Variants in QKI observed in about 807,000 individuals in gnomAD.
QKI encodes KH domain-containing RNA-binding protein QKI.
Under a neutral mutation model 39.0 loss-of-function variants are expected in QKI, and 10 were observed. That is an observed-to-expected ratio of 0.26 (90% CI 0.16 to 0.43). QKI has a LOEUF of 0.43. QKI is among the 20% of genes least tolerant of loss of function. QKI has a pLI of 1.00. For missense variants in QKI, 218 were observed against 428.0 expected (o/e 0.51, Z 4.33); for synonymous variants, 204 against 155.4 (o/e 1.31, Z -2.33).
chr6:163,560,180 GC>G (rs1193252211), intron 4 of QKI, among the ~76,000 whole-genome samples: 2 of 152,092 alleles, frequency 1.3e-5, no homozygotes, highest in South Asian at 2.1e-4. Flanking sequence ...AAAGAAATAA[GC>G]CCTATTCTCA....
At chr6:163,453,733 A>G (rs552877270) in intron 1 of QKI, among the ~76,000 whole-genome samples, 1 of 152,130 alleles carries the variant, frequency 6.6e-6, no homozygotes, top group African/African-American at 2.4e-5. Flanking sequence ...TAATCTCTAG[A>G]TTTTTGTTGA....
intron 2 of QKI, among the ~76,000 whole-genome samples, chr6:163,472,861 G>T (rs1368104857): frequency 2.0e-5 from 3 of 152,062 alleles, no homozygotes; most frequent in African/African-American, 7.2e-5. Flanking sequence ...AGAGGTATAT[G>T]TAAAGCTTTA....
At chr6:163,434,019 G>C (rs985931899) in intron 1 of QKI, among the ~76,000 whole-genome samples, 4 of 152,124 alleles carry the variant, frequency 2.6e-5, no homozygotes, top group Non-Finnish European at 5.9e-5. Flanking sequence ...CTTGTGTGCT[G>C]TGCAGTCTTA....
At chr6:163,451,449 G>A (rs778566615) in intron 1 of QKI, among the ~76,000 whole-genome samples, 3 of 152,114 alleles carry the variant, frequency 2.0e-5, no homozygotes, top group Non-Finnish European at 4.4e-5. Context: ...TTAGGGAAGA[G>A]GACACTTAGA....
intron 3 of QKI, among the ~76,000 whole-genome samples, chr6:163,509,000 G>A (rs1163486944): frequency 2.0e-5 from 3 of 151,984 alleles, no homozygotes; most frequent in African/African-American, 4.8e-5. Flanking sequence ...TTAGCTGGAC[G>A]TGGTGGCAGG....
chr6:163,522,205 A>G (rs1465560131), intron 3 of QKI, among the ~76,000 whole-genome samples: 1 of 152,194 alleles, frequency 6.6e-6, no homozygotes, highest in Non-Finnish European at 1.5e-5. Context: ...GTGCTTTTAT[A>G]TAACACAGTG....
At chr6:163,428,672 G>A (rs945029230) in intron 1 of QKI, among the ~76,000 whole-genome samples, 18 of 151,298 alleles carry the variant, frequency 1.2e-4, no homozygotes, top group African/African-American at 3.6e-4. Flanking sequence ...GCTCATTTAA[G>A]TTCCTTCTTA....
intron 3 of QKI, among the ~76,000 whole-genome samples, chr6:163,503,410 T>C (rs997525741): frequency 1.3e-5 from 2 of 152,108 alleles, no homozygotes; most frequent in Admixed American, 1.3e-4. Flanking sequence ...CACTTTTTAA[T>C]GGAGTCGTTT....
chr6:163,542,804 G>C (rs977561987), intron 4 of QKI, among the ~76,000 whole-genome samples: 10 of 152,004 alleles, frequency 6.6e-5, no homozygotes, highest in Non-Finnish European at 1.5e-5. Flanking sequence ...ATGGAGGTCA[G>C]TACTATAAAA....
chr6:163,537,878 G>T (rs1008962682), intron 4 of QKI, among the ~76,000 whole-genome samples: 49 of 152,062 alleles, frequency 3.2e-4, no homozygotes, highest in African/African-American at 1.2e-3. Flanking sequence ...ACCTTTCCCT[G>T]CTTAAAGATT....
chr6:163,507,916 G>GT (rs1165523454), intron 3 of QKI, among the ~76,000 whole-genome samples: 2 of 151,936 alleles, frequency 1.3e-5, no homozygotes, highest in African/African-American at 4.8e-5. Flanking sequence ...TTAAATAGCT[G>GT]TTAACTAGTC....
intron 6 of QKI, chr6:163,566,385 T>G: frequency 8.2e-7 from 1 of 1,218,116 alleles, no homozygotes; most frequent in East Asian, 5.0e-5. Flanking sequence ...ATTTAAGTAG[T>G]CCTGCTGCAA....
chr6:163,472,272 TTTA>T (rs752103953), intron 2 of QKI, among the ~76,000 whole-genome samples: 11 of 152,102 alleles, frequency 7.2e-5, no homozygotes, highest in African/African-American at 1.7e-4. Flanking sequence ...AAAAAATACG[TTTA>T]TTATTCATTA....
chr6:163,501,427 T>C (rs1469182023), intron 3 of QKI, among the ~76,000 whole-genome samples: 5 of 152,230 alleles, frequency 3.3e-5, no homozygotes, highest in African/African-American at 1.2e-4. Context: ...CTGGATCTTA[T>C]GCATTTGCAT....
Position 163,566,010 on chromosome 6 carries a change from T to C in QKI, c.935-711T>C. The C allele has an allele frequency of 1.2e-6, 2 of 1,606,906 alleles. 1 individual carries two copies. The highest frequency in any genetic ancestry group is 2.2e-5 in the South Asian group (2 of 90,298). On this transcript the variant is annotated intron_variant, in intron 6 of 7. Coordinates refer to ENST00000361752, the MANE Select transcript of QKI (RefSeq NM_006775.3). ...GTCTTAACTGAACCCTCATCAGATC[T>C]GAATTTAACAAATGCTTAGTCTCAG...
chr6:163,543,297 CAT>C (rs1781659996), intron 4 of QKI, among the ~76,000 whole-genome samples: 1 of 151,958 alleles, frequency 6.6e-6, no homozygotes, highest in South Asian at 2.1e-4. Flanking sequence ...GGTATTAAAA[CAT>C]ATATTAAAAG....
At chr6:163,508,366 TA>T (rs1263974305) in intron 3 of QKI, among the ~76,000 whole-genome samples, 5 of 152,218 alleles carry the variant, frequency 3.3e-5, no homozygotes, top group African/African-American at 1.2e-4. Flanking sequence ...AGCCGAAGAT[TA>T]TAAAGAACCA....
intron 3 of QKI, among the ~76,000 whole-genome samples, chr6:163,508,178 T>C (rs139281836): frequency 1.3e-5 from 2 of 151,406 alleles, no homozygotes; most frequent in Non-Finnish European, 2.9e-5. Context: ...ATAATTGGAG[T>C]CTTAGAAAAA....
chr6:163,566,107 G>A, intron 6 of QKI: 1 of 1,461,964 alleles, frequency 6.8e-7, no homozygotes. Context: ...TAGATATAAA[G>A]TAAAATTATG....
Sources: gnomAD v4.1 joint callset for allele counts (sites outside exome capture counted in the v4.1 genomes callset) on GRCh38, gnomAD v4.1.1 for gene constraint, MANE v1.5 for transcripts, NCBI Gene and HGNC (gene_info 2026-07-23, HGNC 2026-07-21) for gene names.